The following GPATCH2 variants were observed in gnomAD, a reference collection of about 807,000 sequenced individuals.
GPATCH2 encodes the protein G-patch domain containing 2, also known as G patch domain-containing protein 2.
Under a neutral mutation model 58.0 loss-of-function variants are expected in GPATCH2, and 51 were observed. The observed-to-expected ratio is 0.88, with a 90% CI of 0.70 to 1.11. The LOEUF is 1.11. Ranked by LOEUF, GPATCH2 falls within the 50% of genes most tolerant of loss-of-function variation. The pLI is 0.00. For missense variants in GPATCH2, 625 were observed against 652.2 expected (o/e 0.96, Z 0.45); for synonymous variants, 222 against 218.5 (o/e 1.02, Z -0.14).
chr1:217,433,361 C>CAT (rs1183174400), intron 9 of GPATCH2, among the ~76,000 whole-genome samples: 2,140 of 118,464 alleles, frequency 0.018, 42 homozygotes, highest in Admixed American at 0.07. Context: ...TTAAGCTGTT[C>CAT]ATATATATAT....
At chr1:217,566,453 A>T (rs898382737) in intron 5 of GPATCH2, among the ~76,000 whole-genome samples, 2 of 152,180 alleles carry the variant, frequency 1.3e-5, no homozygotes, top group Non-Finnish European at 2.9e-5. Context: ...CTTTTTGTAT[A>T]CTGAATTAAT....
intron 5 of GPATCH2, among the ~76,000 whole-genome samples, chr1:217,561,214 C>G (rs1445305850): frequency 6.6e-6 from 1 of 152,158 alleles, no homozygotes; most frequent in Non-Finnish European, 1.5e-5. Flanking sequence ...AATGCAGAAT[C>G]AAACCAGACA....
chr1:217,567,363 T>C (rs1007478455), intron 5 of GPATCH2, among the ~76,000 whole-genome samples: 2 of 152,106 alleles, frequency 1.3e-5, no homozygotes, highest in African/African-American at 4.8e-5. Flanking sequence ...AGCTCTTACT[T>C]ACATCTACCA....
chr1:217,483,320 G>T (rs1661303097), intron 8 of GPATCH2, among the ~76,000 whole-genome samples: 1 of 152,014 alleles, frequency 6.6e-6, no homozygotes, highest in Non-Finnish European at 1.5e-5. Context: ...GAGTAGATGG[G>T]ACTATAGGCA....
intron 5 of GPATCH2, among the ~76,000 whole-genome samples, chr1:217,516,853 ATTGT>A (rs1200850396): frequency 5.3e-5 from 8 of 152,210 alleles, no homozygotes; most frequent in African/African-American, 1.9e-4. Context: ...CAGGACTAAA[ATTGT>A]TTGTTTACCT....
intron 8 of GPATCH2, among the ~76,000 whole-genome samples, chr1:217,473,831 C>T (rs544653783): frequency 6.6e-6 from 1 of 152,182 alleles, no homozygotes; most frequent in Non-Finnish European, 1.5e-5. Flanking sequence ...CAATTCTTCA[C>T]ATCACTCACT....
Position 217,427,523 on chromosome 1 carries a change from T to A in GPATCH2, c.*3622A>T, listed in dbSNP as rs1417034541. 55 of 152,134 alleles carry A rather than the reference T, an allele frequency of 3.6e-4. 1 individual carries two copies. Among genetic ancestry groups the A allele is most frequent in the Admixed American group, 3.5e-3 (53 of 15,262 alleles). 9.4% of individuals were successfully genotyped at this position (152,134 alleles called of 1,614,324 possible). Reference sequence around the variant, plus strand: ...AAAGCACAAAGACAATGACTACTTATAAATAATGTTCTTAAACATTATGTT... The same window carrying A: ...AAAGCACAAAGACAATGACTACTTAAAAATAATGTTCTTAAACATTATGTT... On this transcript the variant is annotated 3_prime_UTR_variant, in exon 10 of 10. Coordinates refer to ENST00000366935, the MANE Select transcript of GPATCH2 (RefSeq NM_018040.5).
intron 5 of GPATCH2, among the ~76,000 whole-genome samples, chr1:217,545,726 A>G (rs1490641378): frequency 6.6e-6 from 1 of 152,194 alleles, no homozygotes; most frequent in Non-Finnish European, 1.5e-5. Flanking sequence ...CGTGAGGTCA[A>G]ACTGGGATGA....
intron 8 of GPATCH2, among the ~76,000 whole-genome samples, chr1:217,471,765 GA>G (rs942778311): frequency 2.0e-5 from 3 of 151,738 alleles, no homozygotes; most frequent in African/African-American, 4.8e-5. Flanking sequence ...AAAATGACAG[GA>G]AAAAAAGTTT....
intron 9 of GPATCH2, among the ~76,000 whole-genome samples, chr1:217,431,623 G>A (rs1658538301): frequency 6.6e-6 from 1 of 152,192 alleles, no homozygotes; most frequent in Non-Finnish European, 1.5e-5. Context: ...CCTCATCTGT[G>A]AAACAGCCAT....
intron 5 of GPATCH2, among the ~76,000 whole-genome samples, chr1:217,572,022 A>G (rs911044660): frequency 2.1e-5 from 3 of 140,624 alleles, no homozygotes; most frequent in South Asian, 2.7e-4. Flanking sequence ...GGAAGGAAGG[A>G]AGGGAGGTAG....
At chr1:217,519,728 G>A (rs959927508) in intron 5 of GPATCH2, among the ~76,000 whole-genome samples, 7 of 152,114 alleles carry the variant, frequency 4.6e-5, no homozygotes. Context: ...TTACCTACTT[G>A]CCAATGTGAT....
chr1:217,569,012 T>G (rs1019608849), intron 5 of GPATCH2, among the ~76,000 whole-genome samples: 1 of 152,000 alleles, frequency 6.6e-6, no homozygotes, highest in Non-Finnish European at 1.5e-5. Context: ...TACTAATGAA[T>G]TAAAATATTC....
At chr1:217,485,735 G>T (rs907919306) in intron 8 of GPATCH2, among the ~76,000 whole-genome samples, 23 of 152,116 alleles carry the variant, frequency 1.5e-4, no homozygotes, top group African/African-American at 5.3e-4. Context: ...TGCTTCTAGG[G>T]TACAAACCTG....
intron 2 of GPATCH2, among the ~76,000 whole-genome samples, chr1:217,617,307 T>C (rs1453939195): frequency 1.3e-5 from 2 of 152,230 alleles, no homozygotes; most frequent in African/African-American, 4.8e-5. Context: ...TCTCTTCTCT[T>C]GACTTCCTCA....
At chr1:217,590,629 A>G (rs1209640220) in intron 5 of GPATCH2, among the ~76,000 whole-genome samples, 7 of 152,162 alleles carry the variant, frequency 4.6e-5, no homozygotes, top group Non-Finnish European at 7.4e-5. Context: ...AGAAGTTTTG[A>G]ATTTAAATAT....
intron 9 of GPATCH2, among the ~76,000 whole-genome samples, chr1:217,434,097 G>A (rs1449324743): frequency 6.6e-6 from 1 of 152,148 alleles, no homozygotes; most frequent in Admixed American, 6.5e-5. Context: ...TTTCTCAAAT[G>A]GATTCATAGC....
At chr1:217,551,466 C>G (rs1473577972) in intron 5 of GPATCH2, among the ~76,000 whole-genome samples, 2 of 152,076 alleles carry the variant, frequency 1.3e-5, no homozygotes, top group Non-Finnish European at 2.9e-5. Context: ...AACAAGCCTT[C>G]CAGCTGATTC....
intron 5 of GPATCH2, among the ~76,000 whole-genome samples, chr1:217,607,891 C>A (rs546219150): frequency 1.3e-5 from 2 of 152,212 alleles, no homozygotes; most frequent in East Asian, 1.9e-4. Flanking sequence ...GCTTAAGAAA[C>A]CTTTTGTTGG....
Sources: gnomAD v4.1 joint callset for allele counts (sites outside exome capture counted in the v4.1 genomes callset) on GRCh38, gnomAD v4.1.1 for gene constraint, MANE v1.5 for transcripts, NCBI Gene and HGNC (gene_info 2026-07-23, HGNC 2026-07-21) for gene names.